The following SBNO1 variants were observed in gnomAD, a reference collection of about 807,000 sequenced individuals.
The protein encoded by SBNO1 is protein strawberry notch homolog 1.
A neutral mutation model predicts 173.6 loss-of-function variants in SBNO1; 23 were observed. The observed-to-expected ratio is 0.13, with a 90% CI of 0.10 to 0.19. SBNO1 has a LOEUF of 0.19. Ranked by LOEUF, SBNO1 falls within the 10% of genes least tolerant of loss-of-function variation. The probability of loss-of-function intolerance (pLI) is 1.00; values close to 1 mark genes in which losing one functional copy is unlikely to be tolerated. For missense variants in SBNO1, 1,238 were observed against 1,671.2 expected, an observed-to-expected ratio of 0.74 and a Z score of 4.52; for synonymous variants, 632 against 571.5, an observed-to-expected ratio of 1.11 and a Z score of -1.51.
Position 123,345,358 on chromosome 12 carries a change from G to A in SBNO1, c.450C>T (p.Asp150=), listed in dbSNP as rs1224868531. 6.2e-7 allele frequency: 1 copy of A among 1,614,110 alleles called. No homozygotes were observed. Among genetic ancestry groups the A allele is most frequent in the Admixed American group, 1.7e-5 (1 of 59,986 alleles). The change falls in exon 4 of 32, where the codon GAC becomes GAT. Residue 150 remains aspartate, a synonymous_variant. Coordinates refer to ENST00000602398, the MANE Select transcript of SBNO1 (RefSeq NM_001167856.3). ...TCAGTAGATCTTTAAGCTGAACTTG[G>A]TCTTTTGAAGGTGCAGAGGTCATGG... ...RNAMTSAPSK[D]QVQLKDLLKN...
intron 17 of SBNO1, 121 bp from the exon 18 acceptor site, chr12:123,320,987 TG>T: frequency 1.3e-6 from 1 of 744,694 alleles, no homozygotes; most frequent in Non-Finnish European, 2.1e-6. Flanking sequence ...TAGCCCAGGC[TG>T]GAGTGCAATG....
chr12:123,333,734 G>A (rs1179738796), intron 7 of SBNO1, among the ~76,000 whole-genome samples: 1 of 152,080 alleles, frequency 6.6e-6, no homozygotes, highest in African/African-American at 2.4e-5. Context: ...CTGGGCTCAA[G>A]CAATCCACCC....
At chr12:123,302,227 C>CCAGCCA (rs1302111338) in intron 30 of SBNO1, among the ~76,000 whole-genome samples, 1 of 150,012 alleles carries the variant, frequency 6.7e-6, no homozygotes, top group African/African-American at 2.5e-5. Context: ...GCCACCACAC[C>CCAGCCA]TGGCCTTATT....
At chr12:123,348,221 CAA>C in intron 2 of SBNO1, 88 bp from the exon 3 acceptor site, 2 of 661,476 alleles carry the variant, frequency 3.0e-6, no homozygotes, top group South Asian at 3.5e-5. Flanking sequence ...TAAAAAATAT[CAA>C]GTTTAACATT....
intron 2 of SBNO1, 68 bp from the exon 3 acceptor site, chr12:123,348,201 T>C: frequency 1.3e-6 from 1 of 767,704 alleles, no homozygotes; most frequent in Non-Finnish European, 2.2e-6. Flanking sequence ...AGGACAAGGT[T>C]TGCATTTATT....
intron 21 of SBNO1, among the ~76,000 whole-genome samples, chr12:123,316,709 T>TA (rs1869326239): frequency 6.7e-6 from 1 of 149,354 alleles, no homozygotes; most frequent in Admixed American, 6.7e-5. Flanking sequence ...TCTTCTTTTT[T>TA]TTTTTTTTTT....
chr12:123,354,505 C>G (rs9795593), intron 1 of SBNO1, among the ~76,000 whole-genome samples: 1 of 152,122 alleles, frequency 6.6e-6, no homozygotes, highest in Non-Finnish European at 1.5e-5. Flanking sequence ...GGAAAGGGGA[C>G]AGAGAGAGAA....
At position 123,350,345 on chromosome 12, in the gene SBNO1, G is replaced by T; in HGVS notation, c.97C>A (p.Leu33Ile). 1.2e-6 allele frequency: 2 copies of T among 1,613,958 alleles called. No homozygotes were observed. Among genetic ancestry groups the T allele is most frequent in the Non-Finnish European group, 1.7e-6 (2 of 1,179,872 alleles). ...LFDIDGGDAG[L>I]ATPMPTPSVQ... is the part of the protein sequence containing the mutation. ...GACGGGGTAGGCATTGGAGTTGCAA[G>T]CCCTGCATCTCCACCATCAATATCA... The change falls in exon 2 of 32, where the codon CTT becomes ATT. Residue 33 changes from leucine (L) to isoleucine (I), a missense_variant. Around this residue, in one of 14 missense-constraint regions of SBNO1, gnomAD observed 287 missense variants for 274.1 expected, o/e 1.05. Coordinates refer to ENST00000602398, the MANE Select transcript of SBNO1 (RefSeq NM_001167856.3).
At chr12:123,321,836 G>GA (rs1870010215) in intron 16 of SBNO1, 104 bp from the exon 17 acceptor site, 1 of 953,450 alleles carries the variant, frequency 1.0e-6, no homozygotes, top group African/African-American at 1.6e-5. Context: ...AAGTGCAGAG[G>GA]AAAAGTATTT....
chr12:123,350,152 GC>G (rs1220267918), intron 2 of SBNO1, among the ~76,000 whole-genome samples, 157 bp downstream of exon 2: 2 of 151,936 alleles, frequency 1.3e-5, no homozygotes, highest in Non-Finnish European at 2.9e-5. Context: ...TACTTGGGGG[GC>G]TGAGGCAGAA....
intron 1 of SBNO1, among the ~76,000 whole-genome samples, chr12:123,362,906 C>T (rs906464208): frequency 2.6e-5 from 4 of 151,090 alleles, no homozygotes; most frequent in African/African-American, 9.8e-5. Flanking sequence ...GTGAGACCCC[C>T]GCCTCTCAAC....
At chr12:123,332,406 C>T (rs1871323424) in intron 7 of SBNO1, among the ~76,000 whole-genome samples, 1 of 151,462 alleles carries the variant, frequency 6.6e-6, no homozygotes, top group Non-Finnish European at 1.5e-5. Context: ...ATTCTCCTGC[C>T]TCAGCCTCCC....
chr12:123,308,931 C>T (rs1278939235), intron 28 of SBNO1, among the ~76,000 whole-genome samples: 1 of 152,128 alleles, frequency 6.6e-6, no homozygotes, highest in African/African-American at 2.4e-5. Flanking sequence ...TGAAGAAACC[C>T]CGTCTCTACT....
intron 1 of SBNO1, among the ~76,000 whole-genome samples, chr12:123,356,894 T>G (rs1469164364): frequency 6.6e-6 from 1 of 152,234 alleles, no homozygotes; most frequent in Non-Finnish European, 1.5e-5. Context: ...ATCTTCACCT[T>G]AGCTAATAAC....
chr12:123,311,147 A>G lies in SBNO1; in HGVS notation c.3221-18T>C, dbSNP rs752735521. The G allele has an allele frequency of 1.1e-5, 17 of 1,583,850 alleles. No homozygotes were observed. The highest frequency in any genetic ancestry group is 5.0e-5 in the Admixed American group (3 of 59,918). On this transcript the variant is annotated intron_variant, in intron 24 of 31. Transcript: ENST00000602398. ...TCGAACATCTGTAAGAACAGGATCA[A>G]TTCTGACTCATAAATTACAAGGGAT...
chr12:123,314,724 G>A (rs751137054), intron 23 of SBNO1, among the ~76,000 whole-genome samples: 29 of 151,914 alleles, frequency 1.9e-4, no homozygotes, highest in Non-Finnish European at 7.4e-5. Flanking sequence ...TGCAACCTCC[G>A]CCTTCCAAGT....
At chr12:123,303,825 C>T (rs1218822719) in intron 29 of SBNO1, among the ~76,000 whole-genome samples, 1 of 150,122 alleles carries the variant, frequency 6.7e-6, no homozygotes. Context: ...CACAGTGAGA[C>T]CTCATTTAAA....
intron 1 of SBNO1, among the ~76,000 whole-genome samples, chr12:123,358,627 C>T (rs1874735473): frequency 6.6e-6 from 1 of 151,336 alleles, no homozygotes; most frequent in Non-Finnish European, 1.5e-5. Context: ...CCTGTAGTCC[C>T]AGCTACTCAG....
At chr12:123,333,254 T>C (rs917639568) in intron 7 of SBNO1, among the ~76,000 whole-genome samples, 7 of 150,668 alleles carry the variant, frequency 4.6e-5, no homozygotes, top group African/African-American at 1.5e-4. Context: ...AGATATGGAA[T>C]ATGACTGAAA....
Sources: allele counts gnomAD v4.1 joint callset (sites outside exome capture counted in the v4.1 genomes callset), GRCh38; gene constraint gnomAD v4.1.1; regional missense constraint gnomAD v4.1.1; transcripts MANE v1.5; gene names NCBI Gene and HGNC (gene_info 2026-07-23, HGNC 2026-07-21).